The following CAMK1D variants were observed in gnomAD, a reference collection of about 807,000 sequenced individuals.
CAMK1D encodes the protein calcium/calmodulin dependent protein kinase ID.
CAMK1D carries 9 observed loss-of-function variants against 47.7 expected under a neutral mutation model. The observed-to-expected ratio is 0.19, with a 90% CI of 0.11 to 0.33. The LOEUF (loss-of-function observed/expected upper bound fraction) is 0.33, where lower values mean the gene tolerates loss of function less well. Ranked by LOEUF, CAMK1D falls within the 10% of genes least tolerant of loss-of-function variation. The probability of loss-of-function intolerance (pLI) is 1.00; values close to 1 mark genes in which losing one functional copy is unlikely to be tolerated. For synonymous variants in CAMK1D, 184 were observed against 184.9 expected (o/e 0.99, Z 0.04); for missense variants, 291 against 488.7 (o/e 0.60, Z 3.81).
intron 2 of CAMK1D, among the ~76,000 whole-genome samples, chr10:12,615,671 ATT>A (rs1297237946): frequency 6.9e-6 from 1 of 144,634 alleles, no homozygotes; most frequent in Admixed American, 6.8e-5. Flanking sequence ...TTGAAAGTGT[ATT>A]TGTGTATAGG....
At chr10:12,712,950 G>A (rs1172156126) in intron 3 of CAMK1D, among the ~76,000 whole-genome samples, 3 of 152,168 alleles carry the variant, frequency 2.0e-5, no homozygotes, top group African/African-American at 7.2e-5. Context: ...CCCACCCTCT[G>A]TGAAAGGAGG....
intron 2 of CAMK1D, among the ~76,000 whole-genome samples, chr10:12,599,617 G>A (rs1382415108): frequency 6.6e-6 from 1 of 152,218 alleles, no homozygotes; most frequent in African/African-American, 2.4e-5. Flanking sequence ...AGAGAGCAAC[G>A]TGAACACGAT....
In CAMK1D at chr10:12,699,698, C is replaced by T. The variant is rs563150537; in HGVS notation, c.299+32888C>T. Among the ~76,000 whole-genome samples the T allele has an allele frequency of 6.0e-5, 9 of 149,992 alleles. No individual in the cohort carries two copies. The South Asian group carries it at 6.3e-4, about 11-fold the overall frequency. ...TTTTTTCCTTGCTGATTGATGAGGACGGTTTGCCGCCGTGGACTTCATCTT... is the reference window on the plus strand; with the variant it reads ...TTTTTTCCTTGCTGATTGATGAGGATGGTTTGCCGCCGTGGACTTCATCTT... On this transcript the variant is annotated intron_variant, in intron 3 of 10. Transcript: ENST00000619168.
At chr10:12,817,536 A>T (rs1198639715) in intron 8 of CAMK1D, among the ~76,000 whole-genome samples, 1 of 152,166 alleles carries the variant, frequency 6.6e-6, no homozygotes, top group Non-Finnish European at 1.5e-5. Context: ...TTTACACTTG[A>T]CTTTTGTGAG....
rs375714733 is a variant in CAMK1D at position 12,827,451 on chromosome 10, CT to C, written c.1040-1314del. ...TCCTTCCTTCCTTCTTTCTTTCTTT[CT>C]TTTCTTTCTTTGTCTGTCTGTCTTT... On this transcript the variant is annotated intron_variant, in intron 10 of 10. Coordinates refer to ENST00000619168, the MANE Select transcript of CAMK1D (RefSeq NM_153498.4). Among the ~76,000 whole-genome samples, 193 of 62,656 alleles carry C rather than the reference CT, an allele frequency of 3.1e-3. 61 individuals carry two copies. The highest frequency in any genetic ancestry group is 7.5e-3 in the South Asian group (15 of 1,992). 41.1% of individuals were successfully genotyped at this position (62,656 alleles called of 152,430 possible).
chr10:12,511,219 C>T (rs1835028980), intron 1 of CAMK1D, among the ~76,000 whole-genome samples: 1 of 152,174 alleles, frequency 6.6e-6, no homozygotes, highest in Admixed American at 6.5e-5. Flanking sequence ...ATGTGGGAGT[C>T]AGCTCAGTTA....
At chr10:12,744,376 T>G (rs1173304435) in intron 3 of CAMK1D, among the ~76,000 whole-genome samples, 5 of 152,226 alleles carry the variant, frequency 3.3e-5, no homozygotes, top group Admixed American at 6.5e-5. Flanking sequence ...CATAATGCTA[T>G]AGTTTCACTT....
intron 2 of CAMK1D, among the ~76,000 whole-genome samples, chr10:12,638,089 G>A (rs1839562313): frequency 6.6e-6 from 1 of 152,102 alleles, no homozygotes; most frequent in Non-Finnish European, 1.5e-5. Flanking sequence ...AGAAGGGGAG[G>A]CCATCTTCTG....
chr10:12,500,559 G>A (rs1834671078), intron 1 of CAMK1D, among the ~76,000 whole-genome samples: 1 of 152,194 alleles, frequency 6.6e-6, no homozygotes, highest in Admixed American at 6.5e-5. Flanking sequence ...GAATTCTACT[G>A]GAAAAGTAAG....
intron 1 of CAMK1D, among the ~76,000 whole-genome samples, chr10:12,443,573 A>C (rs902348027): frequency 6.6e-6 from 1 of 152,170 alleles, no homozygotes; most frequent in Non-Finnish European, 1.5e-5. Flanking sequence ...TAAAGGAATA[A>C]AAGAATGGCT....
At chr10:12,674,178 C>G (rs1840718235) in intron 3 of CAMK1D, among the ~76,000 whole-genome samples, 1 of 152,190 alleles carries the variant, frequency 6.6e-6, no homozygotes, top group African/African-American at 2.4e-5. Context: ...CCCCTGACCT[C>G]AAGCAATCCT....
intron 5 of CAMK1D, among the ~76,000 whole-genome samples, chr10:12,771,075 G>T (rs550172465): frequency 1.3e-5 from 2 of 151,990 alleles, no homozygotes; most frequent in African/African-American, 4.8e-5. Flanking sequence ...GATTACAGGC[G>T]CCTGCCACCA....
intron 2 of CAMK1D, among the ~76,000 whole-genome samples, chr10:12,624,211 CGTGT>C (rs771627230): frequency 6.6e-6 from 1 of 151,010 alleles, no homozygotes; most frequent in Non-Finnish European, 1.5e-5. Context: ...AGAGTGTGTG[CGTGT>C]GTGTGTGTGT....
At position 12,548,083 on chromosome 10, in the gene CAMK1D, G is replaced by A. The variant is rs539776010; in HGVS notation, c.93-5142G>A. 3.5e-4 allele frequency among the ~76,000 whole-genome samples: 54 copies of A among 152,272 alleles called. No homozygotes were observed. The South Asian group carries it at 8.1e-3, about 23-fold the overall frequency. ...GCGTGACACATTGAGAAAGGGCCTC[G>A]GAGGCAGTAGGAAACCGAGTTCTAT... is the stretch of plus-strand genomic sequence containing the variant. On this transcript the variant is annotated intron_variant, in intron 1 of 10. Coordinates refer to ENST00000619168, the MANE Select transcript of CAMK1D (RefSeq NM_153498.4).
intron 2 of CAMK1D, among the ~76,000 whole-genome samples, chr10:12,569,035 G>T (rs1837233292): frequency 6.6e-6 from 1 of 152,082 alleles, no homozygotes; most frequent in Admixed American, 6.6e-5. Context: ...AATGGAAACT[G>T]TTCTGAAGAA....
At chr10:12,603,385 C>T (rs1197781157) in intron 2 of CAMK1D, among the ~76,000 whole-genome samples, 6 of 152,216 alleles carry the variant, frequency 3.9e-5, no homozygotes, top group Admixed American at 2.0e-4. Context: ...CCGCCTCCCA[C>T]CCTGACCCGT....
At chr10:12,607,259 A>G (rs1008792857) in intron 2 of CAMK1D, among the ~76,000 whole-genome samples, 2 of 151,962 alleles carry the variant, frequency 1.3e-5, no homozygotes, top group Non-Finnish European at 2.9e-5. Flanking sequence ...TGCCTTTCCA[A>G]CTGGGCTTTA....
chr10:12,447,258 A>G (rs922929386), intron 1 of CAMK1D, among the ~76,000 whole-genome samples: 2 of 152,250 alleles, frequency 1.3e-5, no homozygotes, highest in Admixed American at 6.5e-5. Context: ...TGGAAGGCCA[A>G]CAACAATTTA....
At chr10:12,581,297 A>T (rs1402877113) in intron 2 of CAMK1D, among the ~76,000 whole-genome samples, 2 of 152,164 alleles carry the variant, frequency 1.3e-5, no homozygotes, top group African/African-American at 4.8e-5. Context: ...ATTGATGGGC[A>T]TTTGAGCTGG....
Sources: gnomAD v4.1 joint callset for allele counts (sites outside exome capture counted in the v4.1 genomes callset) on GRCh38, gnomAD v4.1.1 for gene constraint, MANE v1.5 for transcripts, NCBI Gene and HGNC (gene_info 2026-07-23, HGNC 2026-07-21) for gene names.